APOH: variants seen among roughly 807,000 people sequenced by gnomAD.
APOH encodes apolipoprotein H, also known as beta-2-glycoprotein 1.
In APOH, 48 loss-of-function variants were observed where a neutral mutation model predicts 39.8. The ratio of observed to expected loss-of-function variants is 1.21; its 90% CI spans 0.96 to 1.54. The LOEUF (loss-of-function observed/expected upper bound fraction) is 1.54. Among genes scored for constraint, APOH ranks in the 40% most tolerant of loss-of-function variants. The pLI is 0.00. For synonymous variants in APOH, 153 were observed against 151.1 expected (o/e 1.01, Z -0.09); for missense variants, 415 against 421.2 (o/e 0.99, Z 0.13).
chr17:66,216,452 C>G (rs1183567083), intron 6 of APOH, among the ~76,000 whole-genome samples: 3 of 150,114 alleles, frequency 2.0e-5, no homozygotes, highest in Non-Finnish European at 4.4e-5. Flanking sequence ...CCATTGCACT[C>G]CAGCCTGGGC....
chr17:66,221,359 A>C (rs1598552011), intron 4 of APOH, among the ~76,000 whole-genome samples: 1 of 67,402 alleles, frequency 1.5e-5, no homozygotes, highest in Non-Finnish European at 2.6e-5. Flanking sequence ...AAGAAAGAGG[A>C]GGGGAGGGGA....
chr17:66,221,999 G>A (rs2073405733), intron 4 of APOH, among the ~76,000 whole-genome samples: 1 of 152,148 alleles, frequency 6.6e-6, no homozygotes. Flanking sequence ...TTAACAAGGT[G>A]CCCAGGAGAC....
chr17:66,214,382 A>G, intron 7 of APOH, 71 bp downstream of exon 7: 2 of 1,445,386 alleles, frequency 1.4e-6, no homozygotes, highest in East Asian at 2.3e-5. Context: ...GACAATCATT[A>G]TAGAACAAAG....
chr17:66,218,838 C>T lies in APOH; in HGVS notation c.604+1716G>A, dbSNP rs8178930. ...CAGCCTGGCCAACACAGTGAAATCC[C>T]ATCTCTACTAAAATTATAAAAATTA... On this transcript the variant is annotated intron_variant, in intron 5 of 7. Transcript: ENST00000205948. 8.5e-4 allele frequency among the ~76,000 whole-genome samples: 129 copies of T among 151,920 alleles called. 1 individual carries two copies. Among genetic ancestry groups the T allele is most frequent in the African/African-American group, 3.0e-3 (123 of 41,428 alleles).
Position 66,216,924 on chromosome 17 carries a change from C to T in APOH, c.648G>A (p.Val216=). The T allele has an allele frequency of 6.2e-7, 1 of 1,610,594 alleles. No homozygotes were observed. The highest frequency in any genetic ancestry group is 8.5e-7 in the Non-Finnish European group (1 of 1,178,702). Reference sequence around the variant, plus strand: ...AAAGTGTTGGTTTTGCAGGATAGTTCACAAATCCATTGTCTGGTCTTGATG... The same window carrying T: ...AAAGTGTTGGTTTTGCAGGATAGTTTACAAATCCATTGTCTGGTCTTGATG... ...PFPSRPDNGF[V]NYPAKPTLYY... Residue 216 remains valine (V), a synonymous_variant, in exon 6 of 8, where the codon GTG becomes GTA. Transcript: ENST00000205948.
In APOH at chr17:66,228,110, A is replaced by G. The variant is rs1369724960; in HGVS notation, c.151T>C (p.Cys51Arg). 1.3e-5 allele frequency: 21 copies of G among 1,614,096 alleles called. No homozygotes were observed. The highest frequency in any genetic ancestry group is 1.6e-5 in the Non-Finnish European group (19 of 1,180,036). ...YEPGEEITYS[C>R]KPGYVSRGGM... ...CCTCGGGACACATAGCCCGGCTTGC[A>G]GGAATACGTAATCTCTTCTCCTGGC... The change falls in exon 2 of 8, where the codon TGC becomes CGC. Residue 51 changes from cysteine to arginine, a missense_variant. By Grantham distance (180) the Cys-to-Arg change is radical. Around this residue, in one of 3 missense-constraint regions of APOH, gnomAD observed 288 missense variants for 284.9 expected, o/e 1.01. Transcript: ENST00000205948.
At chr17:66,223,079 G>A (rs8178841) in intron 4 of APOH, among the ~76,000 whole-genome samples, 10,115 of 152,184 alleles carry the variant, frequency 0.066, 327 homozygotes, top group African/African-American at 0.074. Flanking sequence ...TTGGAGGAAT[G>A]CCAATCAGCT....
intron 4 of APOH, among the ~76,000 whole-genome samples, chr17:66,221,122 G>A (rs2073396377): frequency 6.6e-6 from 1 of 151,762 alleles, no homozygotes; most frequent in Non-Finnish European, 1.5e-5. Flanking sequence ...GAACCTGGGA[G>A]GCGGAGGTTG....
chr17:66,223,108 T>C (rs1157338411), intron 4 of APOH, among the ~76,000 whole-genome samples: 1 of 152,174 alleles, frequency 6.6e-6, no homozygotes, highest in East Asian at 1.9e-4. Flanking sequence ...GCAAGCCCCT[T>C]TGATGGGCTG....
intron 7 of APOH, among the ~76,000 whole-genome samples, chr17:66,214,067 G>A (rs2073350152): frequency 6.6e-6 from 1 of 152,034 alleles, no homozygotes. Flanking sequence ...TGTTTTGTTT[G>A]TTTTTGTTTT....
rs781511105 is a variant in APOH at position 66,220,539 on chromosome 17, G to A, written c.604+15C>T. ...TTGCCCTACCATGCGTATTTTGTCTGATCATTGCACTTACCCCTGCATTCT... is the reference window on the plus strand; with the variant it reads ...TTGCCCTACCATGCGTATTTTGTCTAATCATTGCACTTACCCCTGCATTCT... On this transcript the variant is annotated intron_variant, in intron 5 of 7. Transcript: ENST00000205948. 8.7e-6 allele frequency: 14 copies of A among 1,611,106 alleles called. No homozygotes were observed. The South Asian group carries it at 1.5e-4, about 18-fold the overall frequency.
At position 66,212,326 on chromosome 17, in the gene APOH, G is replaced by C. The variant is rs1380094635; in HGVS notation, c.983-138C>G. On this transcript the variant is annotated intron_variant, in intron 7 of 7. Transcript: ENST00000205948. ...ATGTGAATGAAACCATTTAGTGTGA[G>C]GTTTAAGTGATGGGAGAAAACATTA... 4.5e-5 allele frequency: 29 copies of C among 650,156 alleles called. 2 individuals are homozygous for C. In the Middle Eastern group the frequency reaches 4.7e-3, roughly 106 times the overall value. The allele number at this position is 650,156 out of a possible 1,614,324, so 40.3% of individuals were successfully genotyped here.
At chr17:66,223,561 C>A in intron 4 of APOH, 137 bp downstream of exon 4, 1 of 733,512 alleles carries the variant, frequency 1.4e-6, no homozygotes, top group Non-Finnish European at 2.3e-6. Context: ...AGCAAGATAC[C>A]AGGATGAATA....
intron 4 of APOH, among the ~76,000 whole-genome samples, chr17:66,221,413 A>AAGGAAGGAAGGG (rs2073401600): frequency 3.0e-5 from 2 of 66,712 alleles, no homozygotes; most frequent in African/African-American, 1.1e-4. Context: ...GGAAGGAAGG[A>AAGGAAGGAAGGG]AGGAAGGAAG....
chr17:66,226,019 A>G lies in APOH; in HGVS notation c.338+9T>C. 1 of 1,599,620 alleles carries G rather than the reference A, an allele frequency of 6.3e-7. No homozygotes were observed. The highest frequency in any genetic ancestry group is 1.1e-5 in the South Asian group (1 of 89,932). On this transcript the variant is annotated intron_variant, in intron 3 of 7. Transcript: ENST00000205948. ...TCTGTTAACTGCTTAGTTCCATGAA[A>G]GTTCTTACCCAGTGTTACAAGAAAA...
chr17:66,222,360 G>A (rs1304351140), intron 4 of APOH, among the ~76,000 whole-genome samples: 1 of 151,998 alleles, frequency 6.6e-6, no homozygotes, highest in Non-Finnish European at 1.5e-5. Context: ...CTCCGGCCTG[G>A]GCAACAGAGC....
Position 66,216,769 on chromosome 17 carries a change from C to T in APOH, c.784+19G>A. On this transcript the variant is annotated intron_variant, in intron 6 of 7. Transcript: ENST00000205948. ...TATCAATTCAGAGATCTTACAGGAC[C>T]TCGCCTATATTTCCATACCTTTACA... The T allele has an allele frequency of 6.4e-7, 1 of 1,554,228 alleles. No homozygotes were observed. Among genetic ancestry groups the T allele is most frequent in the Middle Eastern group, 1.7e-4 (1 of 5,790 alleles).
At chr17:66,219,665 GC>G (rs1226655219) in intron 5 of APOH, among the ~76,000 whole-genome samples, 1 of 152,136 alleles carries the variant, frequency 6.6e-6, no homozygotes, top group African/African-American at 2.4e-5. Context: ...ACACCTGTAA[GC>G]CCAGCACTTT....
intron 2 of APOH, among the ~76,000 whole-genome samples, chr17:66,227,181 G>T (rs1285501580): frequency 6.6e-6 from 1 of 152,088 alleles, no homozygotes. Context: ...ACCGCACCTG[G>T]CCCTGATTTA....
Sources: allele counts gnomAD v4.1 joint callset (sites outside exome capture counted in the v4.1 genomes callset), GRCh38; gene constraint gnomAD v4.1.1; regional missense constraint gnomAD v4.1.1; transcripts MANE v1.5; gene names NCBI Gene and HGNC (gene_info 2026-07-23, HGNC 2026-07-21).